The following CCNL2 variants were observed in gnomAD, a reference collection of about 807,000 sequenced individuals.
CCNL2 encodes cyclin-L2.
CCNL2 carries 28 observed loss-of-function variants against 59.1 expected under a neutral mutation model. The observed-to-expected ratio is 0.47, with a 90% CI of 0.35 to 0.65. CCNL2 has a LOEUF of 0.65. Ranked by LOEUF, CCNL2 falls within the 30% of genes least tolerant of loss-of-function variation. The pLI is 0.00. For missense variants in CCNL2, 714 were observed against 717.4 expected (o/e 1.00, Z 0.05); for synonymous variants, 342 against 288.6 (o/e 1.19, Z -1.88).
At chr1:1,397,597 G>A (rs1020496209) in intron 3 of CCNL2, among the ~76,000 whole-genome samples, 3 of 152,200 alleles carry the variant, frequency 2.0e-5, no homozygotes, top group Non-Finnish European at 2.9e-5. Flanking sequence ...TGCGGTGGCT[G>A]AAATCTGTAA....
At chr1:1,395,345 C>T (rs758705291) in intron 4 of CCNL2, 49 bp downstream of exon 4, 4 of 1,604,314 alleles carry the variant, frequency 2.5e-6, no homozygotes, top group Admixed American at 1.7e-5. Flanking sequence ...GGCGGCCAGG[C>T]AGGAGCAGCG....
intron 5 of CCNL2, chr1:1,391,590 T>C: frequency 7.7e-7 from 1 of 1,300,600 alleles, no homozygotes; most frequent in Non-Finnish European, 1.0e-6. Flanking sequence ...AAATGAACAT[T>C]CATAGAATCA....
At chr1:1,390,635 A>G in intron 6 of CCNL2, 72 bp from the exon 7 acceptor site, 1 of 1,492,938 alleles carries the variant, frequency 6.7e-7, no homozygotes, top group South Asian at 1.1e-5. Flanking sequence ...GACAATTAAA[A>G]AACAGCCTGT....
intron 5 of CCNL2, chr1:1,392,384 T>C (rs1644807638): frequency 5.5e-6 from 6 of 1,083,198 alleles, no homozygotes; most frequent in Admixed American, 5.0e-5. Flanking sequence ...GAGCGTGTCA[T>C]GCAAAGCTGC....
intron 4 of CCNL2, chr1:1,395,046 G>A (rs145279159): frequency 0.014 from 2,852 of 201,130 alleles, 83 homozygotes; most frequent in African/African-American, 0.059. Flanking sequence ...CCTGGCGATA[G>A]AGCGAAACTC....
At chr1:1,394,633 C>G (rs1644917243) in intron 4 of CCNL2, among the ~76,000 whole-genome samples, 1 of 151,786 alleles carries the variant, frequency 6.6e-6, no homozygotes, top group Non-Finnish European at 1.5e-5. Context: ...GCCTGTAATC[C>G]CAGCTACTTG....
At chr1:1,396,800 G>A (rs928519914) in intron 3 of CCNL2, among the ~76,000 whole-genome samples, 14 of 151,036 alleles carry the variant, frequency 9.3e-5, no homozygotes, top group Non-Finnish European at 1.5e-4. Flanking sequence ...CCAGGCTGGA[G>A]TGCAGTGGCC....
intron 4 of CCNL2, 30 bp downstream of exon 4, chr1:1,395,364 G>T: frequency 6.2e-7 from 1 of 1,612,322 alleles, no homozygotes; most frequent in Non-Finnish European, 8.5e-7. Context: ...CGGCCTAGGC[G>T]GGCTCGCAGG....
chr1:1,390,562 AT>A lies in CCNL2; in HGVS notation c.760del (p.Ile254SerfsTer25). On this transcript the variant is annotated frameshift_variant and splice_region_variant, in exon 7 of 11. Coordinates refer to ENST00000400809, the MANE Select transcript of CCNL2 (RefSeq NM_030937.6). LOFTEE classifies it high-confidence loss of function. ...CIYLAARTLEIPLPNRPHWFL... is the reference protein window; with the variant it reads ...CIYLAARTLEXPLPNRPHWFL... ...CCAATGGGGACGATTGGGCAAAGGG[AT>A]CTGTAAAAACAAACACTATCATCAT... 1 of 1,609,394 alleles carries A rather than the reference AT, an allele frequency of 6.2e-7. No individual in the cohort carries two copies. Among genetic ancestry groups the A allele is most frequent in the Non-Finnish European group, 8.5e-7 (1 of 1,176,674 alleles).
At chr1:1,395,367 C>T in intron 4 of CCNL2, 27 bp downstream of exon 4, 1 of 1,612,808 alleles carries the variant, frequency 6.2e-7, no homozygotes, top group Non-Finnish European at 8.5e-7. Context: ...CCTAGGCGGG[C>T]TCGCAGGGCA....
chr1:1,392,598 A>T, intron 5 of CCNL2: 1 of 1,437,484 alleles, frequency 7.0e-7, no homozygotes, highest in Non-Finnish European at 9.1e-7. Flanking sequence ...ACGATTACCA[A>T]AGCACGACAG....
intron 8 of CCNL2, chr1:1,388,506 A>C (rs1229754294): frequency 8.8e-6 from 4 of 454,470 alleles, no homozygotes; most frequent in African/African-American, 8.0e-5. Flanking sequence ...CAACACAGCG[A>C]GACTCTGTCT....
chr1:1,390,868 G>A lies in CCNL2; in HGVS notation c.660-3C>T, dbSNP rs1481158356. The A allele has an allele frequency of 6.2e-7, 1 of 1,613,426 alleles. No homozygotes were observed. Among genetic ancestry groups the A allele is most frequent in the Non-Finnish European group, 8.5e-7 (1 of 1,179,450 alleles). On this transcript the variant is annotated splice_region_variant and splice_polypyrimidine_tract_variant and intron_variant, in intron 5 of 10. Coordinates refer to ENST00000400809, the MANE Select transcript of CCNL2 (RefSeq NM_030937.6). ...GAAGGCTGTCGTTCATGTAATTCCT[G>A]GAAGCCAAACACAGGAAGAACTGCA...
intron 8 of CCNL2, 113 bp downstream of exon 8, chr1:1,390,117 A>G (rs1239557192): frequency 1.2e-6 from 1 of 851,844 alleles, no homozygotes; most frequent in South Asian, 2.9e-5. Context: ...CTGTCTCAAA[A>G]AAAAAAAAAA....
intron 4 of CCNL2, among the ~76,000 whole-genome samples, chr1:1,394,784 C>T (rs2100328509): frequency 6.9e-6 from 1 of 144,564 alleles, no homozygotes; most frequent in African/African-American, 2.6e-5. Context: ...AAAGGCCAGG[C>T]ACAGTGGCTT....
chr1:1,395,042 G>A (rs948244896), intron 4 of CCNL2: 2 of 192,508 alleles, frequency 1.0e-5, no homozygotes, highest in African/African-American at 2.4e-5. Flanking sequence ...CCAGCCTGGC[G>A]ATAGAGCGAA....
intron 4 of CCNL2, among the ~76,000 whole-genome samples, chr1:1,393,964 T>C (rs1262405434): frequency 6.6e-6 from 1 of 151,984 alleles, no homozygotes; most frequent in East Asian, 1.9e-4. Context: ...CAGTCTCTAC[T>C]AAAAATACAA....
intron 5 of CCNL2, chr1:1,392,530 G>A (rs548354234): frequency 5.1e-6 from 7 of 1,367,390 alleles, no homozygotes; most frequent in Non-Finnish European, 6.6e-6. Flanking sequence ...TATCATACAG[G>A]TACAGCAGTT....
At chr1:1,398,056 C>A (rs1240743) in intron 3 of CCNL2, among the ~76,000 whole-genome samples, 177 bp downstream of exon 3, 112,542 of 152,182 alleles carry the variant, frequency 0.74, 43,480 homozygotes, top group East Asian at 1. Flanking sequence ...CTTACTAAAC[C>A]GCATCTACTG....
Sources: allele counts gnomAD v4.1 joint callset (sites outside exome capture counted in the v4.1 genomes callset), GRCh38; gene constraint gnomAD v4.1.1; transcripts MANE v1.5; gene names NCBI Gene and HGNC (gene_info 2026-07-23, HGNC 2026-07-21).